The following KCNT2 variants were observed in gnomAD, a reference collection of about 807,000 sequenced individuals.
The protein encoded by KCNT2 is potassium channel subfamily T member 2.
A neutral mutation model predicts 153.8 loss-of-function variants in KCNT2; 67 were observed. That is an observed-to-expected ratio of 0.44 (90% CI 0.36 to 0.53). The LOEUF (loss-of-function observed/expected upper bound fraction) is 0.53. Among genes scored for constraint, KCNT2 ranks in the 20% least tolerant of loss-of-function variants. The pLI is 0.00. For missense variants in KCNT2, 975 were observed against 1,354.8 expected, an observed-to-expected ratio of 0.72 and a Z score of 4.40; for synonymous variants, 500 against 458.8, an observed-to-expected ratio of 1.09 and a Z score of -1.15.
chr1:196,274,318 A>G (rs1173197478), intron 25 of KCNT2, among the ~76,000 whole-genome samples: 4 of 151,710 alleles, frequency 2.6e-5, no homozygotes, highest in Admixed American at 2.0e-4. Flanking sequence ...AACTTGTAAT[A>G]TAACTCCTCT....
intron 10 of KCNT2, 108 bp from the exon 11 acceptor site, chr1:196,426,096 T>C (rs1234201587): frequency 3.7e-6 from 3 of 817,268 alleles, no homozygotes; most frequent in Non-Finnish European, 5.7e-6. Flanking sequence ...AAAACTGAAA[T>C]GAACTTTTGC....
intron 21 of KCNT2, among the ~76,000 whole-genome samples, chr1:196,306,049 G>T (rs181009501): frequency 6.6e-6 from 1 of 152,066 alleles, no homozygotes; most frequent in African/African-American, 2.4e-5. Context: ...GAGAAAAGGG[G>T]CAGGATGATA....
At chr1:196,383,757 A>AC (rs1211083393) in intron 13 of KCNT2, among the ~76,000 whole-genome samples, 1 of 152,182 alleles carries the variant, frequency 6.6e-6, no homozygotes, top group East Asian at 1.9e-4. Context: ...CTAAAATGTA[A>AC]CCCCAGCACT....
chr1:196,377,390 T>G (rs1344750778), intron 13 of KCNT2, among the ~76,000 whole-genome samples: 1 of 151,874 alleles, frequency 6.6e-6, no homozygotes, highest in African/African-American at 2.4e-5. Context: ...ATCAAATAAT[T>G]TTCTAATTAA....
chr1:196,470,764 G>A (rs1225104396), intron 5 of KCNT2, among the ~76,000 whole-genome samples: 1 of 152,092 alleles, frequency 6.6e-6, no homozygotes, highest in African/African-American at 2.4e-5. Context: ...ACATCAGATA[G>A]GCCTCCCATG....
At chr1:196,299,811 A>G (rs1381435343) in intron 22 of KCNT2, among the ~76,000 whole-genome samples, 3 of 152,192 alleles carry the variant, frequency 2.0e-5, no homozygotes, top group Admixed American at 2.0e-4. Flanking sequence ...CATGTTTATA[A>G]CAGCATCATT....
At chr1:196,326,314 GA>G (rs776319116) in intron 19 of KCNT2, among the ~76,000 whole-genome samples, 3 of 151,886 alleles carry the variant, frequency 2.0e-5, no homozygotes, top group Non-Finnish European at 2.9e-5. Flanking sequence ...TATAAAAATG[GA>G]TCAGTAAATG....
At chr1:196,454,389 T>C (rs187454011) in intron 8 of KCNT2, among the ~76,000 whole-genome samples, 71 of 152,034 alleles carry the variant, frequency 4.7e-4, no homozygotes, top group Admixed American at 3.5e-3. Context: ...CTTTCTCCTC[T>C]AGCAGTCCCC....
Position 196,337,193 on chromosome 1 carries a change from C to T in KCNT2, c.1784-3133G>A, listed in dbSNP as rs1314618887. ...ACCTGCATTCCCCCTAGCCTTTCCT[C>T]TAAATTTATGGCCATTCTCTTTCCC... On this transcript the variant is annotated intron_variant, in intron 16 of 27. Coordinates refer to ENST00000294725, the MANE Select transcript of KCNT2 (RefSeq NM_198503.5). Among the ~76,000 whole-genome samples the T allele has an allele frequency of 9.2e-5, 14 of 151,452 alleles. No individual in the cohort carries two copies. In the Admixed American group the frequency reaches 9.3e-4, roughly 10 times the overall value.
chr1:196,287,288 G>A (rs1207981306), intron 22 of KCNT2, among the ~76,000 whole-genome samples: 1 of 152,058 alleles, frequency 6.6e-6, no homozygotes, highest in African/African-American at 2.4e-5. Flanking sequence ...ATACAGCTAG[G>A]TTTTCCCGTG....
At chr1:196,487,611 T>C (rs1679536931) in intron 3 of KCNT2, among the ~76,000 whole-genome samples, 1 of 151,954 alleles carries the variant, frequency 6.6e-6, no homozygotes, top group African/African-American at 2.4e-5. Flanking sequence ...ATAATCAATA[T>C]ACAAAAAAGA....
intron 19 of KCNT2, among the ~76,000 whole-genome samples, chr1:196,325,483 A>C (rs951735114): frequency 6.6e-6 from 1 of 152,110 alleles, no homozygotes; most frequent in Non-Finnish European, 1.5e-5. Flanking sequence ...AGCTCAGCCA[A>C]TTTCTTGGAG....
At chr1:196,494,973 C>CT (rs1011251055) in intron 1 of KCNT2, among the ~76,000 whole-genome samples, 92 of 147,000 alleles carry the variant, frequency 6.3e-4, no homozygotes, top group East Asian at 2.6e-3. Context: ...GAGCCACTGG[C>CT]TTTTTTTTTT....
chr1:196,572,179 A>T (rs1660856133), intron 1 of KCNT2, among the ~76,000 whole-genome samples: 1 of 152,098 alleles, frequency 6.6e-6, no homozygotes, highest in African/African-American at 2.4e-5. Flanking sequence ...GAATTCATCC[A>T]ACCTTCTCAC....
At chr1:196,468,166 C>T (rs756605876) in intron 6 of KCNT2, among the ~76,000 whole-genome samples, 8 of 151,954 alleles carry the variant, frequency 5.3e-5, no homozygotes, top group Non-Finnish European at 1.2e-4. Flanking sequence ...CATAATATTG[C>T]CTCTTACTCT....
At position 196,596,573 on chromosome 1, in the gene KCNT2, ATTAT is replaced by A. The variant is rs376247333; in HGVS notation, c.95+11638_95+11641del. Among the ~76,000 whole-genome samples the A allele has an allele frequency of 1.1e-4, 17 of 151,804 alleles. No homozygotes were observed. The East Asian group carries it at 3.3e-3, about 30-fold the overall frequency. On this transcript the variant is annotated intron_variant, in intron 1 of 27. Transcript: ENST00000294725. ...TGTCCTTTGCCCACTTTTTGATGGGATTATTTGTTTTTTAAAAATAATTTCCCTC... is the reference window on the plus strand; with the variant it reads ...TGTCCTTTGCCCACTTTTTGATGGGATTGTTTTTTAAAAATAATTTCCCTC...
At chr1:196,465,450 T>A in intron 7 of KCNT2, 63 bp from the exon 8 acceptor site, 1 of 869,656 alleles carries the variant, frequency 1.1e-6, no homozygotes, top group South Asian at 1.3e-5. Flanking sequence ...TGAGTTTCAT[T>A]ACATTTATTA....
At chr1:196,344,901 A>C (rs1666006113) in intron 14 of KCNT2, among the ~76,000 whole-genome samples, 1 of 152,122 alleles carries the variant, frequency 6.6e-6, no homozygotes, top group African/African-American at 2.4e-5. Context: ...ATTTCTTCAA[A>C]ACCTCTAATA....
intron 14 of KCNT2, among the ~76,000 whole-genome samples, chr1:196,372,453 G>A (rs1668619181): frequency 6.6e-6 from 1 of 151,810 alleles, no homozygotes; most frequent in South Asian, 2.1e-4. Flanking sequence ...GATATGAAAT[G>A]AAGTACATTT....
Sources: allele counts gnomAD v4.1 joint callset (sites outside exome capture counted in the v4.1 genomes callset), GRCh38; gene constraint gnomAD v4.1.1; transcripts MANE v1.5; gene names NCBI Gene and HGNC (gene_info 2026-07-23, HGNC 2026-07-21).